Variants in RTCB observed in about 807,000 individuals in gnomAD.
RTCB encodes RNA-splicing ligase RTCB.
Under a neutral mutation model 58.2 loss-of-function variants are expected in RTCB, and 32 were observed. The ratio of observed to expected loss-of-function variants is 0.55; its 90% confidence interval spans 0.41 to 0.74. RTCB has a LOEUF of 0.74. RTCB is among the 30% of genes least tolerant of loss of function. RTCB has a pLI of 0.00. For synonymous variants in RTCB, 247 were observed against 218.6 expected, an observed-to-expected ratio of 1.13 and a Z score of -1.15; for missense variants, 523 against 639.0, an observed-to-expected ratio of 0.82 and a Z score of 1.96.
chr22:32,396,175 G>C lies in RTCB; in HGVS notation c.889C>G (p.Arg297Gly), dbSNP rs949401681. ...TCTTGACCCTCTGGGGAAGCGATTC[G>C]AGCACAAGCCAACTGCCGATCATTG... ...IVNDRQLACA[R>G]IASPEGQDYL... Residue 297 changes from arginine (R) to glycine (G), a missense_variant, in exon 8 of 12, where the codon CGA becomes GGA. This residue lies in a region of RTCB where 248 missense variants were observed against 292.5 expected (regional missense o/e 0.85). Transcript: ENST00000216038. 8 of 1,613,990 alleles carry C rather than the reference G, an allele frequency of 5.0e-6. No homozygotes were observed. The African/African-American group carries it at 8.0e-5, about 16-fold the overall frequency.
chr22:32,401,924 A>G (rs1243843333), intron 4 of RTCB, 21 bp from the exon 5 acceptor site: 1 of 1,611,398 alleles, frequency 6.2e-7, no homozygotes, highest in South Asian at 1.1e-5. Context: ...GAGAAAAGTT[A>G]GCAAAACCAG....
rs11635 is a variant in RTCB at position 32,388,064 on chromosome 22, T to C, written c.1446A>G (p.Val482=). 119,355 of 1,612,856 alleles carry C rather than the reference T, an allele frequency of 0.074. 8,525 individuals are homozygous for C. The highest frequency in any genetic ancestry group is 0.46 in the East Asian group (20,506 of 44,844). ...TGATTCCAGCATCATGGCAGGTATT[T>C]ACCACATCTGTCACATTCTTATAGG... ...PESYKNVTDV[V]NTCHDAGISK... The change falls in exon 12 of 12, where the codon GTA becomes GTG. Residue 482 remains valine, a synonymous_variant. Coordinates refer to ENST00000216038, the MANE Select transcript of RTCB (RefSeq NM_014306.5).
chr22:32,411,864 G>A (rs1049045026), intron 1 of RTCB, among the ~76,000 whole-genome samples, 200 bp downstream of exon 1: 18 of 152,152 alleles, frequency 1.2e-4, no homozygotes, highest in Non-Finnish European at 2.1e-4. Context: ...CTCGTGGTTC[G>A]GGGACCTCTC....
chr22:32,388,923 T>A (rs974150504), intron 11 of RTCB, among the ~76,000 whole-genome samples: 6 of 152,314 alleles, frequency 3.9e-5, no homozygotes, highest in Admixed American at 6.5e-5. Context: ...CCTTCTTGTT[T>A]TACTGAAACA....
intron 11 of RTCB, among the ~76,000 whole-genome samples, chr22:32,390,709 A>G (rs1411395341): frequency 1.3e-5 from 2 of 152,166 alleles, no homozygotes; most frequent in Non-Finnish European, 1.5e-5. Context: ...CAGCCTCCCA[A>G]AATGCTGGGA....
intron 1 of RTCB, among the ~76,000 whole-genome samples, chr22:32,411,215 G>C (rs1350042067): frequency 6.6e-6 from 1 of 152,234 alleles, no homozygotes; most frequent in African/African-American, 2.4e-5. Flanking sequence ...GACGTGAGAC[G>C]AGACGGTAAA....
chr22:32,411,127 G>A (rs1933515337), intron 1 of RTCB, among the ~76,000 whole-genome samples: 1 of 152,274 alleles, frequency 6.6e-6, no homozygotes, highest in Admixed American at 6.5e-5. Flanking sequence ...CAGTGTAAGT[G>A]ACTTGCCAAC....
intron 4 of RTCB, among the ~76,000 whole-genome samples, chr22:32,403,447 C>G (rs1293982093): frequency 6.6e-6 from 1 of 152,118 alleles, no homozygotes; most frequent in Non-Finnish European, 1.5e-5. Context: ...TTTAGGTGTA[C>G]ACAATGTACA....
intron 4 of RTCB, among the ~76,000 whole-genome samples, chr22:32,403,873 T>C (rs750144576): frequency 6.6e-6 from 1 of 152,238 alleles, no homozygotes; most frequent in East Asian, 1.9e-4. Flanking sequence ...GTTAGCACCA[T>C]TCTACTCTCT....
In RTCB at chr22:32,392,349, A is replaced by G; in HGVS notation, c.1301T>C (p.Leu434Ser). 1.2e-6 allele frequency: 2 copies of G among 1,613,972 alleles called. No homozygotes were observed. Among genetic ancestry groups the G allele is most frequent in the East Asian group, 4.5e-5 (2 of 44,892 alleles). The change falls in exon 11 of 12, where the codon TTG (leucine) becomes TCG (serine). Residue 434 changes from leucine (L) to serine (S), a missense_variant. Leu to Ser is a moderately radical substitution (Grantham distance 145, BLOSUM62 -2). This residue lies in a region of RTCB where 248 missense variants were observed against 292.5 expected (regional missense o/e 0.85). Transcript: ENST00000216038. Reference protein sequence around the residue: ...GTTCHGAGRALSRAKSRRNLD... With the variant: ...GTTCHGAGRASSRAKSRRNLD... ...ATTACGTCGAGATTTTGCTCGGGACAATGCACGGCCCTAGAATGGGAAAGG... is the reference window on the plus strand; with the variant it reads ...ATTACGTCGAGATTTTGCTCGGGACGATGCACGGCCCTAGAATGGGAAAGG...
chr22:32,389,117 C>T (rs995263034), intron 11 of RTCB, among the ~76,000 whole-genome samples: 2 of 152,126 alleles, frequency 1.3e-5, no homozygotes, highest in Non-Finnish European at 1.5e-5. Flanking sequence ...GTCATTACAT[C>T]GTACCACAAA....
intron 6 of RTCB, 102 bp from the exon 7 acceptor site, chr22:32,398,202 C>A: frequency 7.6e-7 from 1 of 1,313,628 alleles, no homozygotes; most frequent in Non-Finnish European, 1.1e-6. Flanking sequence ...ACAAAATAAA[C>A]ATACAAATAG....
At chr22:32,395,505 C>T (rs918421579) in intron 8 of RTCB, among the ~76,000 whole-genome samples, 4 of 152,162 alleles carry the variant, frequency 2.6e-5, no homozygotes, top group Non-Finnish European at 5.9e-5. Flanking sequence ...GTCAGTGGCA[C>T]TTTTATTCTC....
In RTCB at chr22:32,399,657, C is replaced by T; in HGVS notation, c.600G>A (p.Leu200=). Residue 200 remains leucine, a synonymous_variant, in exon 6 of 12, where the codon CTG becomes CTA. Coordinates refer to ENST00000216038, the MANE Select transcript of RTCB (RefSeq NM_014306.5). The stretch of plus-strand genomic sequence containing the variant: ...CAGAAACTTTATTGGGGTCAGCCTG[C>T]AGCATCCTTCCGTACTCCTCGCAGT... The part of the protein sequence containing the change: ...KEHCEEYGRM[L]QADPNKVSAR... 6.2e-7 allele frequency: 1 copy of T among 1,613,984 alleles called. No individual in the cohort carries two copies. The highest frequency in any genetic ancestry group is 1.1e-5 in the South Asian group (1 of 91,056).
chr22:32,408,940 A>G (rs1480251718), intron 1 of RTCB, 107 bp from the exon 2 acceptor site: 19 of 789,466 alleles, frequency 2.4e-5, no homozygotes, highest in Non-Finnish European at 3.2e-5. Context: ...ACTCTTTACC[A>G]AACACTTTCA....
chr22:32,394,205 G>A (rs1933204041), intron 9 of RTCB, among the ~76,000 whole-genome samples: 1 of 151,046 alleles, frequency 6.6e-6, no homozygotes. Flanking sequence ...TCCGCCTCCT[G>A]GGTTCACGCC....
At position 32,393,880 on chromosome 22, in the gene RTCB, T is replaced by C. The variant is rs774323748; in HGVS notation, c.1290+12A>G. The C allele has an allele frequency of 1.3e-6, 2 of 1,572,888 alleles. No individual in the cohort carries two copies. Among genetic ancestry groups the C allele is most frequent in the East Asian group, 4.5e-5 (2 of 44,674 alleles). On this transcript the variant is annotated intron_variant, in intron 10 of 11. Transcript: ENST00000216038. ...AAGAGAGCATTTCTAAGGAAGTTTC[T>C]GTTTTCCTTACCGCTCCATGACAGG... is the stretch of plus-strand genomic sequence containing the variant.
chr22:32,408,659 C>G (rs1283523972), intron 2 of RTCB, 96 bp downstream of exon 2: 1 of 894,622 alleles, frequency 1.1e-6, no homozygotes, highest in African/African-American at 1.7e-5. Flanking sequence ...CACTCCTTGA[C>G]AATATTTCAG....
At chr22:32,399,422 C>T (rs1231594935) in intron 6 of RTCB, among the ~76,000 whole-genome samples, 181 bp downstream of exon 6, 2 of 151,840 alleles carry the variant, frequency 1.3e-5, no homozygotes, top group Admixed American at 6.6e-5. Context: ...TGTGAGCCAC[C>T]GCATCCAGCC....
Sources: allele counts gnomAD v4.1 joint callset (sites outside exome capture counted in the v4.1 genomes callset), GRCh38; gene constraint gnomAD v4.1.1; regional missense constraint gnomAD v4.1.1; transcripts MANE v1.5; gene names NCBI Gene and HGNC (gene_info 2026-07-23, HGNC 2026-07-21).